SRRM4: variants seen among roughly 807,000 people sequenced by gnomAD.
The protein encoded by SRRM4 is serine/arginine repetitive matrix 4.
A neutral mutation model predicts 68.9 loss-of-function variants in SRRM4; 33 were observed. That is an observed-to-expected ratio of 0.48 (90% CI 0.36 to 0.64). The LOEUF is 0.64. Among genes scored for constraint, SRRM4 ranks in the 30% least tolerant of loss-of-function variants. The probability of loss-of-function intolerance (pLI) is 0.00; values close to 1 mark genes in which losing one functional copy is unlikely to be tolerated. For missense variants in SRRM4, 817 were observed against 827.1 expected (o/e 0.99, Z 0.15); for synonymous variants, 318 against 318.8 (o/e 1.00, Z 0.03).
intron 1 of SRRM4, among the ~76,000 whole-genome samples, chr12:118,991,400 G>A (rs1953315959): frequency 6.6e-6 from 1 of 152,164 alleles, no homozygotes; most frequent in Non-Finnish European, 1.5e-5. Flanking sequence ...CCAGAATGCT[G>A]CAGACTAAGT....
intron 1 of SRRM4, among the ~76,000 whole-genome samples, chr12:119,056,715 AT>A (rs528758361): frequency 1.4e-4 from 20 of 147,602 alleles, no homozygotes; most frequent in South Asian, 2.2e-4. Flanking sequence ...ATGCATGGCT[AT>A]TTTTTTTTTG....
chr12:119,032,840 G>A (rs1594035767), intron 1 of SRRM4, among the ~76,000 whole-genome samples: 1 of 151,986 alleles, frequency 6.6e-6, no homozygotes, highest in East Asian at 1.9e-4. Flanking sequence ...CCAATTTTCT[G>A]TCTCTTATGT....
intron 1 of SRRM4, among the ~76,000 whole-genome samples, chr12:119,058,637 G>A (rs921168670): frequency 6.6e-6 from 1 of 152,070 alleles, no homozygotes; most frequent in Admixed American, 6.5e-5. Flanking sequence ...AAAATGACAC[G>A]AGCATTCCTT....
Position 119,102,312 on chromosome 12 carries a change from G to A in SRRM4, c.208G>A (p.Glu70Lys), listed in dbSNP as rs368148077. The A allele has an allele frequency of 5.8e-5, 93 of 1,613,450 alleles. No homozygotes were observed. The highest frequency in any genetic ancestry group is 1.5e-4 in the South Asian group (14 of 91,022). The stretch of plus-strand genomic sequence containing the variant: ...AAAGCTGGGTCAGCATCTGGCCACC[G>A]AGCCCTTGGGCACCAACAGTTGGGA... ...SEKLGQHLAT[E>K]PLGTNSWERD... Residue 70 changes from glutamate (E) to lysine (K), a missense_variant, in exon 2 of 13, where the codon GAG becomes AAG. Transcript: ENST00000267260.
intron 8 of SRRM4, among the ~76,000 whole-genome samples, chr12:119,138,367 A>G (rs2136061926): frequency 6.6e-6 from 1 of 152,248 alleles, no homozygotes; most frequent in South Asian, 2.1e-4. Flanking sequence ...TAGTGTCCAT[A>G]TATAGATCCT....
chr12:119,137,102 CTT>C (rs373994308), intron 8 of SRRM4, among the ~76,000 whole-genome samples: 4 of 144,474 alleles, frequency 2.8e-5, no homozygotes, highest in Admixed American at 6.9e-5. Context: ...GAAACAAAAG[CTT>C]TTTTTTTTTT....
At position 119,157,609 on chromosome 12, in the gene SRRM4, G is replaced by A. The variant is rs1346822081; in HGVS notation, c.*811G>A. The A allele has an allele frequency of 6.6e-6, 1 of 152,382 alleles. No individual in the cohort carries two copies. The highest frequency in any genetic ancestry group is 2.4e-5 in the African/African-American group (1 of 41,456). The allele number at this position is 152,382 out of a possible 1,614,324, so 9.4% of individuals were successfully genotyped here. A position where few individuals can be genotyped will look rare whatever the true frequency, so the allele number is the denominator to read the frequency against. On this transcript the variant is annotated 3_prime_UTR_variant, in exon 13 of 13. Coordinates refer to ENST00000267260, the MANE Select transcript of SRRM4 (RefSeq NM_194286.4). This position sits in a 1 kb window ranked among gnomAD's most constrained non-coding sequence, Gnocchi z 4.1. ...GCAACCTCACGAGAAAGGAGATAGT[G>A]GAAGAGTCAGGACAGGTTGGTCTCC... is the stretch of plus-strand genomic sequence containing the variant.
chr12:118,991,483 C>A (rs145437968), intron 1 of SRRM4, among the ~76,000 whole-genome samples: 2 of 152,116 alleles, frequency 1.3e-5, no homozygotes, highest in Admixed American at 1.3e-4. Context: ...TGGATTTGGG[C>A]GATCATTGGC....
chr12:119,136,194 T>C (rs1954326944), intron 8 of SRRM4, among the ~76,000 whole-genome samples: 1 of 152,128 alleles, frequency 6.6e-6, no homozygotes, highest in South Asian at 2.1e-4. Context: ...AGATCGCAGG[T>C]GAACTTCACA....
At chr12:119,107,834 A>G (rs1401772583) in intron 2 of SRRM4, among the ~76,000 whole-genome samples, 2 of 151,944 alleles carry the variant, frequency 1.3e-5, no homozygotes, top group South Asian at 4.2e-4. Flanking sequence ...CTCTGATCTT[A>G]GTTATTTCTT....
intron 1 of SRRM4, among the ~76,000 whole-genome samples, chr12:119,033,044 C>G (rs1453975075): frequency 6.6e-6 from 1 of 151,946 alleles, no homozygotes; most frequent in Admixed American, 6.6e-5. Context: ...TTATTGTTGA[C>G]TTTTTTCAAG....
chr12:119,102,233 T>C lies in SRRM4; in HGVS notation c.132-3T>C. The stretch of plus-strand genomic sequence containing the variant: ...TTTTGTGTCCTTATTTCTTCTTCTG[T>C]AGGACAGAGCCCCAGAATAACCCCG... On this transcript the variant is annotated splice_polypyrimidine_tract_variant and splice_region_variant and intron_variant, in intron 1 of 12. Transcript: ENST00000267260. The C allele has an allele frequency of 1.2e-6, 2 of 1,610,544 alleles. No individual in the cohort carries two copies. Among genetic ancestry groups the C allele is most frequent in the South Asian group, 1.1e-5 (1 of 90,824 alleles).
chr12:118,997,721 G>C (rs764067896), intron 1 of SRRM4, among the ~76,000 whole-genome samples: 31 of 152,308 alleles, frequency 2.0e-4, no homozygotes, highest in African/African-American at 5.5e-4. Context: ...AATATAGAGA[G>C]AGGGAAAATA....
At chr12:119,099,439 T>G (rs189160171) in intron 1 of SRRM4, among the ~76,000 whole-genome samples, 314 of 151,814 alleles carry the variant, frequency 2.1e-3, no homozygotes, top group Middle Eastern at 6.8e-3. Flanking sequence ...CGGCCGCTCT[T>G]CCTTATAATA....
intron 1 of SRRM4, 115 bp from the exon 2 acceptor site, chr12:119,102,121 C>T (rs1436298611): frequency 2.8e-6 from 3 of 1,056,936 alleles, no homozygotes; most frequent in Non-Finnish European, 2.7e-6. Flanking sequence ...ATCTCATGGG[C>T]TCAACCTAAC....
At chr12:119,134,159 C>A (rs1954314359) in intron 8 of SRRM4, among the ~76,000 whole-genome samples, 1 of 152,074 alleles carries the variant, frequency 6.6e-6, no homozygotes, top group South Asian at 2.1e-4. Context: ...AACTCAAGGA[C>A]AGTTGCATAA....
At chr12:118,989,892 A>C (rs1366630224) in intron 1 of SRRM4, 1 of 152,224 alleles carries the variant, frequency 6.6e-6, no homozygotes, top group Non-Finnish European at 1.5e-5. Flanking sequence ...AGCTTAGGCA[A>C]CTGAGCAGGA....
chr12:119,076,096 G>A lies in SRRM4; in HGVS notation c.132-26140G>A, dbSNP rs189927153. 1.2e-3 allele frequency among the ~76,000 whole-genome samples: 180 copies of A among 152,096 alleles called. 1 individual carries two copies. The highest frequency in any genetic ancestry group is 2.0e-3 in the Non-Finnish European group (136 of 67,978). ...TAATGATAATAATAATGATGGTGAC[G>A]ATAACAATGGTGATGAGGATAGTGA... On this transcript the variant is annotated intron_variant, in intron 1 of 12. Transcript: ENST00000267260.
intron 1 of SRRM4, among the ~76,000 whole-genome samples, chr12:119,010,337 G>A (rs1241444365): frequency 6.6e-6 from 1 of 152,210 alleles, no homozygotes; most frequent in Non-Finnish European, 1.5e-5. Context: ...ACAGGCATGA[G>A]CCACTGTGCC....
Sources: allele counts gnomAD v4.1 joint callset (sites outside exome capture counted in the v4.1 genomes callset), GRCh38; gene constraint gnomAD v4.1.1; non-coding constraint Gnocchi (gnomAD v3.1); transcripts MANE v1.5; gene names NCBI Gene and HGNC (gene_info 2026-07-23, HGNC 2026-07-21).